Variants in TPO observed in about 807,000 individuals in gnomAD.
TPO encodes thyroid peroxidase.
Under a neutral mutation model 96.9 loss-of-function variants are expected in TPO, and 78 were observed. The ratio of observed to expected loss-of-function variants is 0.81; its 90% CI spans 0.67 to 0.97. TPO has a LOEUF of 0.97. Ranked by LOEUF, TPO falls within the 50% of genes least tolerant of loss-of-function variation. TPO has a pLI of 0.00. For missense variants in TPO, 1,252 were observed against 1,274.8 expected (o/e 0.98, Z 0.27); for synonymous variants, 547 against 538.0 (o/e 1.02, Z -0.23).
intron 2 of TPO, among the ~76,000 whole-genome samples, chr2:1,421,609 A>G (rs1663538684): frequency 6.6e-6 from 1 of 152,214 alleles, no homozygotes; most frequent in African/African-American, 2.4e-5. Flanking sequence ...ACAAAATGTG[A>G]GTTGAGTTGC....
chr2:1,379,260 G>T (rs143485169), intron 1 of TPO, among the ~76,000 whole-genome samples: 74 of 151,936 alleles, frequency 4.9e-4, no homozygotes, highest in African/African-American at 1.7e-3. Context: ...AGCCGAGGTC[G>T]CGCCACTGCA....
chr2:1,513,393 A>C (rs60603183), intron 14 of TPO: 1 of 152,078 alleles, frequency 6.6e-6, no homozygotes, highest in Admixed American at 6.5e-5. Flanking sequence ...ACCAGGGCCC[A>C]TGTCTGAGAG....
intron 13 of TPO, chr2:1,503,657 G>T: frequency 1.7e-6 from 1 of 579,462 alleles, no homozygotes; most frequent in Non-Finnish European, 3.3e-6. Flanking sequence ...CACATTCCCA[G>T]GCAGACCCTG....
intron 15 of TPO, among the ~76,000 whole-genome samples, chr2:1,522,873 ACCACTGTGTGAAACCTCCTCAAATCCCC>A (rs1675483787): frequency 2.4e-4 from 4 of 16,358 alleles, no homozygotes; most frequent in East Asian, 2.5e-3. Flanking sequence ...CTCAAATCCC[ACCACTGTGTGAAACCTCCTCAAATCCCC>A]CCACTGTGTG....
Position 1,531,926 on chromosome 2 carries a change from G to C in TPO, c.2619-8668G>C, listed in dbSNP as rs532727029. ...AACCTCCTCAAATCACCCCCACTGT[G>C]TGCAACCTCCTCAAATCCCCCCACT... On this transcript the variant is annotated intron_variant, in intron 15 of 16. Transcript: ENST00000329066. Among the ~76,000 whole-genome samples, 29 of 97,596 alleles carry C rather than the reference G, an allele frequency of 3.0e-4. 3 individuals are homozygous for C. Among genetic ancestry groups the C allele is most frequent in the African/African-American group, 1.1e-3 (28 of 26,330 alleles). The allele number at this position is 97,596 out of a possible 152,430, so 64.0% of individuals were successfully genotyped here. A position where few individuals can be genotyped will look rare whatever the true frequency, so the allele number is the denominator to read the frequency against.
intron 14 of TPO, among the ~76,000 whole-genome samples, chr2:1,507,290 T>C (rs540138727): frequency 6.0e-4 from 91 of 152,318 alleles, no homozygotes; most frequent in Non-Finnish European, 1.1e-3. Flanking sequence ...ACTGTAGCCT[T>C]GTAGTATAGT....
At chr2:1,433,291 G>A (rs751253847) in intron 3 of TPO, 147 bp from the exon 4 acceptor site, 24 of 977,678 alleles carry the variant, frequency 2.5e-5, no homozygotes, top group Middle Eastern at 2.9e-4. Flanking sequence ...AACTGCACAT[G>A]TTTTACCTGT....
chr2:1,423,092 C>A lies in TPO; in HGVS notation c.142C>A (p.Arg48Ser), dbSNP rs1377098657. The A allele has an allele frequency of 1.2e-6, 2 of 1,614,124 alleles. No homozygotes were observed. Among genetic ancestry groups the A allele is most frequent in the South Asian group, 1.1e-5 (1 of 91,074 alleles). ...RVSSVLEESKRLVDTAMYATM... is the reference protein window; with the variant it reads ...RVSSVLEESKSLVDTAMYATM... ...CTCTAGCGTCTTGGAGGAAAGCAAGCGCCTGGTGGACACCGCCATGTACGC... is the reference window on the plus strand; with the variant it reads ...CTCTAGCGTCTTGGAGGAAAGCAAGAGCCTGGTGGACACCGCCATGTACGC... The change falls in exon 3 of 17, where the codon CGC becomes AGC. Residue 48 changes from arginine to serine, a missense_variant. Transcript: ENST00000329066.
In TPO at chr2:1,542,774, CCTGTCTCCACCTT is replaced by C. The variant is rs532242543; in HGVS notation, c.*304_*316del. The C allele has an allele frequency of 4.5e-5, 30 of 673,252 alleles. No homozygotes were observed. The East Asian group carries it at 5.6e-4, about 13-fold the overall frequency. 41.7% of individuals were successfully genotyped at this position (673,252 alleles called of 1,614,324 possible). A position where few individuals can be genotyped will look rare whatever the true frequency, so the allele number is the denominator to read the frequency against. ...CTGGAAACACCACTCTTGCAATCCT[CCTGTCTCCACCTT>C]CTGGCATCTCTGATGCCGTGCTCGT... On this transcript the variant is annotated 3_prime_UTR_variant, in exon 17 of 17. Coordinates refer to ENST00000329066, the MANE Select transcript of TPO (RefSeq NM_001206744.2).
At chr2:1,537,447 T>TC (rs1558441264) in intron 15 of TPO, among the ~76,000 whole-genome samples, 5 of 111,264 alleles carry the variant, frequency 4.5e-5, no homozygotes, top group Admixed American at 9.3e-5. Context: ...AACTCCCAAA[T>TC]CTCCCCACTG....
chr2:1,470,596 A>T (rs1669309200), intron 7 of TPO, among the ~76,000 whole-genome samples: 1 of 151,704 alleles, frequency 6.6e-6, no homozygotes. Context: ...CTTGATATAC[A>T]ACTTTGTTTT....
chr2:1,524,813 T>C (rs1676053008), intron 15 of TPO, among the ~76,000 whole-genome samples: 1 of 130,582 alleles, frequency 7.7e-6, no homozygotes, highest in South Asian at 2.5e-4. Flanking sequence ...CCCAACTGTG[T>C]GCCACTTCCC....
intron 7 of TPO, among the ~76,000 whole-genome samples, chr2:1,469,172 A>G (rs1452321298): frequency 1.3e-5 from 2 of 152,160 alleles, no homozygotes; most frequent in Non-Finnish European, 2.9e-5. Flanking sequence ...CTTCCTGATT[A>G]GCTTAATAAT....
intron 9 of TPO, among the ~76,000 whole-genome samples, chr2:1,486,138 GTGCAGACCTTCCGTATGGGCACACT>G (rs1671141895): frequency 6.6e-6 from 1 of 152,120 alleles, no homozygotes; most frequent in Non-Finnish European, 1.5e-5. Flanking sequence ...CATCGCAGCC[GTGCAGACCTTCCGTATGGGCACACT>G]TGCTGATCCT....
At chr2:1,523,144 ATC>A (rs1675553677) in intron 15 of TPO, among the ~76,000 whole-genome samples, 1 of 137,836 alleles carries the variant, frequency 7.3e-6, no homozygotes, top group African/African-American at 2.8e-5. Context: ...CACCCTGTGC[ATC>A]CTCCCAAAAT....
chr2:1,418,299 AAGAG>A lies in TPO; in HGVS notation c.94+3807_94+3810del, dbSNP rs1553296831. On this transcript the variant is annotated intron_variant, in intron 2 of 16. Transcript: ENST00000329066. The stretch of plus-strand genomic sequence containing the variant: ...GAATCCATCTCAAAAAAAAAAAAAA[AAGAG>A]AGAGAGAGAAAAAAAGAAAAGCATC... Among the ~76,000 whole-genome samples, 71 of 146,348 alleles carry A rather than the reference AAGAG, an allele frequency of 4.9e-4. No homozygotes were observed. In the South Asian group the frequency reaches 9.7e-3, roughly 20 times the overall value.
chr2:1,414,866 CAAGTT>C (rs950839026), intron 2 of TPO, among the ~76,000 whole-genome samples: 1 of 152,190 alleles, frequency 6.6e-6, no homozygotes, highest in African/African-American at 2.4e-5. Context: ...TATGTGAAAA[CAAGTT>C]AAGAAAGCTA....
intron 15 of TPO, among the ~76,000 whole-genome samples, chr2:1,527,481 C>T (rs1278573162): frequency 6.7e-6 from 1 of 149,104 alleles, no homozygotes; most frequent in African/African-American, 2.5e-5. Flanking sequence ...CCTCAAATCC[C>T]CCCATCTGTG....
chr2:1,440,040 C>T (rs1484645665), intron 5 of TPO, among the ~76,000 whole-genome samples: 2 of 152,198 alleles, frequency 1.3e-5, no homozygotes, highest in African/African-American at 2.4e-5. Context: ...ACCTGGTTCC[C>T]CACCCACACC....
Sources: allele counts gnomAD v4.1 joint callset (sites outside exome capture counted in the v4.1 genomes callset), GRCh38; gene constraint gnomAD v4.1.1; transcripts MANE v1.5; gene names NCBI Gene and HGNC (gene_info 2026-07-23, HGNC 2026-07-21).